COL25A1: variants seen among roughly 807,000 people sequenced by gnomAD.
COL25A1 encodes the protein collagen type XXV alpha 1 chain, also known as collagen alpha-1(XXV) chain.
A neutral mutation model predicts 128.4 loss-of-function variants in COL25A1; 103 were observed. The ratio of observed to expected loss-of-function variants is 0.80; its 90% CI spans 0.68 to 0.94. The LOEUF (loss-of-function observed/expected upper bound fraction) is 0.94. COL25A1 is among the 40% of genes least tolerant of loss of function. The pLI, the probability that COL25A1 is intolerant of heterozygous loss-of-function variation, is 0.00. For missense variants in COL25A1, 745 were observed against 840.0 expected, an observed-to-expected ratio of 0.89 and a Z score of 1.40; for synonymous variants, 279 against 277.2, an observed-to-expected ratio of 1.01 and a Z score of -0.06.
chr4:108,865,395 G>C (rs529020108), intron 20 of COL25A1, among the ~76,000 whole-genome samples: 11 of 152,174 alleles, frequency 7.2e-5, no homozygotes, highest in Non-Finnish European at 1.5e-4. Context: ...GGTTAAGAAA[G>C]ACAGGAGGCA....
chr4:108,820,583 T>C (rs779624872), intron 35 of COL25A1, among the ~76,000 whole-genome samples: 20 of 152,184 alleles, frequency 1.3e-4, no homozygotes, highest in Non-Finnish European at 2.6e-4. Flanking sequence ...TGCTAATACT[T>C]TGCAGCAATG....
chr4:109,210,111 A>T (rs1339863979), intron 3 of COL25A1, among the ~76,000 whole-genome samples: 1 of 151,994 alleles, frequency 6.6e-6, no homozygotes, highest in Non-Finnish European at 1.5e-5. Context: ...TATTAATTTC[A>T]TTATAGCTCT....
chr4:108,866,357 T>C (rs898005116), intron 20 of COL25A1, among the ~76,000 whole-genome samples: 1 of 152,018 alleles, frequency 6.6e-6, no homozygotes, highest in African/African-American at 2.4e-5. Flanking sequence ...CATGCCCAGA[T>C]GATTTTTGTA....
At chr4:109,068,100 T>C (rs1762612088) in intron 3 of COL25A1, among the ~76,000 whole-genome samples, 1 of 152,228 alleles carries the variant, frequency 6.6e-6, no homozygotes, top group African/African-American at 2.4e-5. Flanking sequence ...ATATCTTCAG[T>C]AGCTTGGAAG....
rs376531561 is a variant in COL25A1, at chr4:108,921,838, T to C, written c.709-1234A>G. Among the ~76,000 whole-genome samples, 10 of 152,316 alleles carry C rather than the reference T, an allele frequency of 6.6e-5. No homozygotes were observed. The East Asian group carries it at 1.2e-3, about 18-fold the overall frequency. ...AACCAACTGTTTAATGAGCTTGTTATTTGGTTTATCTGTGTGGTCAGACAT... is the reference window on the plus strand; with the variant it reads ...AACCAACTGTTTAATGAGCTTGTTACTTGGTTTATCTGTGTGGTCAGACAT... On this transcript the variant is annotated intron_variant, in intron 11 of 37. Transcript: ENST00000399132.
At chr4:109,043,003 T>A (rs1760067456) in intron 5 of COL25A1, among the ~76,000 whole-genome samples, 1 of 152,106 alleles carries the variant, frequency 6.6e-6, no homozygotes, top group Non-Finnish European at 1.5e-5. Context: ...CTGAAAAACA[T>A]CTTATAGAAA....
In COL25A1 at chr4:109,135,024, C is replaced by CAA. The variant is rs574984369; in HGVS notation, c.368-84847_368-84846dup. Among the ~76,000 whole-genome samples the CAA allele has an allele frequency of 1.8e-3, 178 of 100,658 alleles. 2 individuals carry two copies. The highest frequency in any genetic ancestry group is 6.8e-3 in the East Asian group (24 of 3,538). The allele number at this position is 100,658 out of a possible 152,430, so 66.0% of individuals were successfully genotyped here. A position where few individuals can be genotyped will look rare whatever the true frequency, so the allele number is the denominator to read the frequency against. ...ACCACCAAAAAGTAAACTTTTCTGT[C>CAA]AAAAAAAAAAAAAAAAAAAAAACCA... On this transcript the variant is annotated intron_variant, in intron 3 of 37. Transcript: ENST00000399132.
At chr4:109,214,045 C>T (rs143223059) in intron 3 of COL25A1, among the ~76,000 whole-genome samples, 4 of 152,128 alleles carry the variant, frequency 2.6e-5, no homozygotes, top group African/African-American at 7.2e-5. Flanking sequence ...CACCCTCAGC[C>T]GTTTGCCTGA....
At chr4:108,907,851 A>G (rs1305358574) in intron 13 of COL25A1, among the ~76,000 whole-genome samples, 1 of 152,234 alleles carries the variant, frequency 6.6e-6, no homozygotes, top group Non-Finnish European at 1.5e-5. Context: ...GCTGTTCCAC[A>G]TAATAGCTGT....
chr4:108,990,561 A>G (rs1456911905), intron 6 of COL25A1, among the ~76,000 whole-genome samples: 1 of 151,946 alleles, frequency 6.6e-6, no homozygotes, highest in Non-Finnish European at 1.5e-5. Flanking sequence ...TTATCCCAAA[A>G]AATCTATCTA....
chr4:109,178,563 G>A (rs1209569505), intron 3 of COL25A1, among the ~76,000 whole-genome samples: 3 of 152,092 alleles, frequency 2.0e-5, no homozygotes, highest in East Asian at 1.9e-4. Context: ...GGTGGCTCAC[G>A]CCTGTAATCC....
intron 3 of COL25A1, among the ~76,000 whole-genome samples, chr4:109,077,054 G>A (rs757905645): frequency 2.0e-5 from 3 of 152,156 alleles, no homozygotes; most frequent in African/African-American, 7.2e-5. Flanking sequence ...GACCTCTGCA[G>A]TAAAGGGTCC....
intron 3 of COL25A1, among the ~76,000 whole-genome samples, chr4:109,077,612 A>C (rs1216476409): frequency 2.6e-5 from 4 of 152,238 alleles, no homozygotes. Context: ...CACCAGCTTC[A>C]AACATTTTAG....
chr4:109,077,196 G>A (rs372144119), intron 3 of COL25A1, among the ~76,000 whole-genome samples: 1 of 152,136 alleles, frequency 6.6e-6, no homozygotes, highest in African/African-American at 2.4e-5. Flanking sequence ...AAAGCAGGAC[G>A]CATTAAAGTC....
Position 108,856,487 on chromosome 4 carries a change from G to A in COL25A1, c.1320+3169C>T, listed in dbSNP as rs148005089. Among the ~76,000 whole-genome samples the A allele has an allele frequency of 6.6e-3, 1,003 of 152,144 alleles. 12 individuals are homozygous for A. The highest frequency in any genetic ancestry group is 0.022 in the African/African-American group (925 of 41,520). On this transcript the variant is annotated intron_variant, in intron 24 of 37. Transcript: ENST00000399132. ...GCAAAACTGTAAATATCCATCACTG[G>A]TTAGAGAATTAGAAGAATAAATGTC...
chr4:109,149,658 A>G (rs1771280866), intron 3 of COL25A1, among the ~76,000 whole-genome samples: 6 of 152,236 alleles, frequency 3.9e-5, no homozygotes, highest in Admixed American at 3.3e-4. Flanking sequence ...ATCTCTATGG[A>G]TGCTGAGTTG....
At chr4:109,142,463 G>A (rs921740196) in intron 3 of COL25A1, among the ~76,000 whole-genome samples, 1 of 152,124 alleles carries the variant, frequency 6.6e-6, no homozygotes, top group South Asian at 2.1e-4. Flanking sequence ...TTCAAGTCCT[G>A]AATATCCTTG....
intron 3 of COL25A1, among the ~76,000 whole-genome samples, chr4:109,295,183 G>A (rs1724856114): frequency 6.6e-6 from 1 of 152,044 alleles, no homozygotes; most frequent in Non-Finnish European, 1.5e-5. Flanking sequence ...AGTAGTTTAA[G>A]AATTAGCTTC....
chr4:109,115,194 A>G (rs897170010), intron 3 of COL25A1, among the ~76,000 whole-genome samples: 30 of 152,064 alleles, frequency 2.0e-4, no homozygotes, highest in African/African-American at 7.2e-4. Context: ...ATAACCCCAC[A>G]CTTGATACTT....
Sources: allele counts gnomAD v4.1 joint callset (sites outside exome capture counted in the v4.1 genomes callset), GRCh38; gene constraint gnomAD v4.1.1; transcripts MANE v1.5; gene names NCBI Gene and HGNC (gene_info 2026-07-23, HGNC 2026-07-21).